DPYSL2: variants seen among roughly 807,000 people sequenced by gnomAD.
DPYSL2 encodes dihydropyrimidinase-related protein 2.
In DPYSL2, 13 loss-of-function variants were observed where a neutral mutation model predicts 69.9. That is an observed-to-expected ratio of 0.19 (90% CI 0.12 to 0.30). The LOEUF is 0.30. Ranked by LOEUF, DPYSL2 falls within the 10% of genes least tolerant of loss-of-function variation. The pLI is 1.00. For missense variants in DPYSL2, 587 were observed against 918.9 expected (o/e 0.64, Z 4.67); for synonymous variants, 326 against 359.1 (o/e 0.91, Z 1.04).
chr8:26,514,038 C>T lies in DPYSL2; in HGVS notation c.-288C>T, dbSNP rs919242249. Reference sequence around the variant, plus strand: ...CTGCCGGGAACTGGCAGCCTTTCGGCTCCCGCAGCCGCAGCGGACGCCCTC... The same window carrying T: ...CTGCCGGGAACTGGCAGCCTTTCGGTTCCCGCAGCCGCAGCGGACGCCCTC... On this transcript the variant is annotated 5_prime_UTR_variant, in exon 1 of 14. Coordinates refer to ENST00000521913, the MANE Select transcript of DPYSL2 (RefSeq NM_001197293.3). This position sits in a 1 kb window ranked among gnomAD's most constrained non-coding sequence, Gnocchi z 8.4. 3.3e-4 allele frequency: 91 copies of T among 277,466 alleles called. No individual in the cohort carries two copies. The highest frequency in any genetic ancestry group is 1.8e-3 in the African/African-American group (82 of 45,378). The allele number at this position is 277,466 out of a possible 1,614,324, so 17.2% of individuals were successfully genotyped here.
rs182474042 is a variant in DPYSL2, at chr8:26,554,297, T to G, written c.355-27672T>G. Among the ~76,000 whole-genome samples, 225 of 152,262 alleles carry G rather than the reference T, an allele frequency of 1.5e-3. 1 individual carries two copies. Among genetic ancestry groups the G allele is most frequent in the Admixed American group, 2.9e-3 (45 of 15,294 alleles). On this transcript the variant is annotated intron_variant, in intron 1 of 13. Transcript: ENST00000521913. The stretch of plus-strand genomic sequence containing the variant: ...CAGAGATACTGAGCTTTTTTTCACA[T>G]GCTTTTTGGCTGCCTGTATGTCTTC...
Position 26,647,101 on chromosome 8 carries a change from G to A in DPYSL2, c.1426-529G>A, listed in dbSNP as rs1334459990. Among the ~76,000 whole-genome samples the A allele has an allele frequency of 2.0e-5, 3 of 152,064 alleles. No homozygotes were observed. Among genetic ancestry groups the A allele is most frequent in the Admixed American group, 6.5e-5 (1 of 15,270 alleles). Reference sequence around the variant, plus strand: ...GGATTGCCACCCCTGCAAATTAAACGAATTTTTTTTTGTTTTGAAATAATT... The same window carrying A: ...GGATTGCCACCCCTGCAAATTAAACAAATTTTTTTTTGTTTTGAAATAATT... On this transcript the variant is annotated intron_variant, in intron 10 of 13. Transcript: ENST00000521913. This position sits in a 1 kb window ranked among gnomAD's most constrained non-coding sequence, Gnocchi z 5.1.
intron 1 of DPYSL2, among the ~76,000 whole-genome samples, chr8:26,559,305 C>G (rs928525878): frequency 1.3e-5 from 2 of 152,164 alleles, no homozygotes; most frequent in Admixed American, 1.3e-4. Flanking sequence ...CCATTATTTC[C>G]TTACAATAAA....
intron 2 of DPYSL2, 79 bp from the exon 3 acceptor site, chr8:26,583,720 G>GATA: frequency 7.5e-7 from 1 of 1,328,096 alleles, no homozygotes; most frequent in South Asian, 1.4e-5. Context: ...ATAGTTTATA[G>GATA]GTTAGTGAAA....
chr8:26,603,379 G>A (rs563011790), intron 3 of DPYSL2, among the ~76,000 whole-genome samples: 1 of 152,186 alleles, frequency 6.6e-6, no homozygotes, highest in Non-Finnish European at 1.5e-5. Context: ...CACCATATTG[G>A]CCAGGCTGGT....
chr8:26,627,901 C>T lies in DPYSL2; in HGVS notation c.966C>T (p.Ile322=), dbSNP rs1311504005. The T allele has an allele frequency of 6.2e-7, 1 of 1,613,946 alleles. No homozygotes were observed. Reference sequence around the variant, plus strand: ...AGCAGAGGATCCTGGATCTGGGCATCACGGGCCCCGAGGGACATGTGCTGA... The same window carrying T: ...AGCAGAGGATCCTGGATCTGGGCATTACGGGCCCCGAGGGACATGTGCTGA... ...EEQQRILDLG[I]TGPEGHVLSR... The change falls in exon 7 of 14, where the codon ATC becomes ATT. Residue 322 remains isoleucine (I), a synonymous_variant. Coordinates refer to ENST00000521913, the MANE Select transcript of DPYSL2 (RefSeq NM_001197293.3). The surrounding 1 kb of genome is among the most constrained non-coding windows in gnomAD (Gnocchi z 6.9).
intron 1 of DPYSL2, among the ~76,000 whole-genome samples, chr8:26,527,154 C>A (rs183904892): frequency 5.2e-4 from 79 of 152,278 alleles, no homozygotes; most frequent in Admixed American, 2.1e-3. Context: ...CTGCTGCTGA[C>A]GGTCCCTGAA....
chr8:26,655,496 C>CA lies in DPYSL2; in HGVS notation c.1943-110dup, dbSNP rs202021759. ...GGAAAACAGAGCAAGACGCTGTCTC[C>CA]AAAAAAAAAGAATGCGACTAGCACT... is the stretch of plus-strand genomic sequence containing the variant. On this transcript the variant is annotated intron_variant, in intron 13 of 13. Transcript: ENST00000521913. 2.8e-3 allele frequency: 2,399 copies of CA among 868,836 alleles called. 1 individual carries two copies. The highest frequency in any genetic ancestry group is 3.6e-3 in the South Asian group (162 of 45,322). 53.8% of individuals were successfully genotyped at this position (868,836 alleles called of 1,614,324 possible).
rs116076155 is a variant in DPYSL2 at position 26,582,148 on chromosome 8, C to G, written c.443+91C>G. ...CATTCGCATCCAAAGTATCAAACTTCAGGAACATCAGAGAGTGACCAACTT... is the reference window on the plus strand; with the variant it reads ...CATTCGCATCCAAAGTATCAAACTTGAGGAACATCAGAGAGTGACCAACTT... On this transcript the variant is annotated intron_variant, in intron 2 of 13. Transcript: ENST00000521913. The surrounding 1 kb of genome is among the most constrained non-coding windows in gnomAD (Gnocchi z 4.1). 4.5e-4 allele frequency: 461 copies of G among 1,033,534 alleles called. 2 individuals carry two copies. The African/African-American group carries it at 6.6e-3, about 15-fold the overall frequency. The allele number at this position is 1,033,534 out of a possible 1,614,324, so 64.0% of individuals were successfully genotyped here. A position where few individuals can be genotyped will look rare whatever the true frequency, so the allele number is the denominator to read the frequency against.
At position 26,654,600 on chromosome 8, in the gene DPYSL2, G is replaced by A. The variant is rs906100150; in HGVS notation, c.1943-1015G>A. Among the ~76,000 whole-genome samples, 7 of 152,078 alleles carry A rather than the reference G, an allele frequency of 4.6e-5. No individual in the cohort carries two copies. The highest frequency in any genetic ancestry group is 1.4e-4 in the African/African-American group (6 of 41,394). On this transcript the variant is annotated intron_variant, in intron 13 of 13. Transcript: ENST00000521913. This position sits in a 1 kb window ranked among gnomAD's most constrained non-coding sequence, Gnocchi z 5.0. The stretch of plus-strand genomic sequence containing the variant: ...AGCTGTTCCAATATAAGGTGCCATC[G>A]TTCCTCCTACTTGTGATTATATGTG...
chr8:26,559,397 A>G (rs1353784310), intron 1 of DPYSL2, among the ~76,000 whole-genome samples: 1 of 152,212 alleles, frequency 6.6e-6, no homozygotes, highest in Non-Finnish European at 1.5e-5. Flanking sequence ...GATTGTACCA[A>G]TTTACATTCT....
chr8:26,613,458 G>T (rs1387545243), intron 3 of DPYSL2, among the ~76,000 whole-genome samples: 1 of 152,252 alleles, frequency 6.6e-6, no homozygotes, highest in African/African-American at 2.4e-5. Flanking sequence ...TTCAGGATGA[G>T]TGGCTCCCTT....
At chr8:26,554,893 C>T (rs1228068720) in intron 1 of DPYSL2, among the ~76,000 whole-genome samples, 3 of 152,028 alleles carry the variant, frequency 2.0e-5, no homozygotes, top group Non-Finnish European at 4.4e-5. Flanking sequence ...AAATAAAATG[C>T]AACAATGTAT....
chr8:26,572,287 C>G (rs535978250), intron 1 of DPYSL2, among the ~76,000 whole-genome samples: 1 of 152,304 alleles, frequency 6.6e-6, no homozygotes, highest in Non-Finnish European at 1.5e-5. Context: ...GAACACGTTC[C>G]GGGCAGATGC....
At chr8:26,528,348 T>A (rs1808515270) in intron 1 of DPYSL2, among the ~76,000 whole-genome samples, 1 of 152,094 alleles carries the variant, frequency 6.6e-6, no homozygotes, top group African/African-American at 2.4e-5. Flanking sequence ...TGTAAATGAC[T>A]GTCATAAAGA....
At chr8:26,632,312 T>C (rs1802796050) in intron 7 of DPYSL2, among the ~76,000 whole-genome samples, 1 of 152,288 alleles carries the variant, frequency 6.6e-6, no homozygotes, top group Non-Finnish European at 1.5e-5. Context: ...GAAGGGACTG[T>C]GGACAAGGCG....
At chr8:26,629,889 G>A (rs543559921) in intron 7 of DPYSL2, among the ~76,000 whole-genome samples, 1 of 152,234 alleles carries the variant, frequency 6.6e-6, no homozygotes, top group Admixed American at 6.5e-5. Flanking sequence ...GAGCCACCGC[G>A]CCCGGCCGAG....
At chr8:26,633,668 G>A (rs1191965872) in intron 7 of DPYSL2, among the ~76,000 whole-genome samples, 1 of 151,670 alleles carries the variant, frequency 6.6e-6, no homozygotes, top group Non-Finnish European at 1.5e-5. Flanking sequence ...TAGAGACAGA[G>A]TTTCACCATG....
intron 1 of DPYSL2, among the ~76,000 whole-genome samples, chr8:26,522,942 T>C (rs1542114): frequency 0.73 from 110,491 of 151,940 alleles, 42,324 homozygotes; most frequent in East Asian, 0.9. Flanking sequence ...TGAAATCTAC[T>C]GAAAGAGTTC....
Sources: gnomAD v4.1 joint callset for allele counts (sites outside exome capture counted in the v4.1 genomes callset) on GRCh38, gnomAD v4.1.1 for gene constraint, Gnocchi (gnomAD v3.1) non-coding constraint, MANE v1.5 for transcripts, NCBI Gene and HGNC (gene_info 2026-07-23, HGNC 2026-07-21) for gene names.